COG5: variants seen among roughly 807,000 people sequenced by gnomAD.
COG5 encodes the protein conserved oligomeric Golgi complex subunit 5.
In COG5, 86 loss-of-function variants were observed where a neutral mutation model predicts 110.4. The observed-to-expected ratio is 0.78, with a 90% confidence interval of 0.65 to 0.93. The LOEUF (loss-of-function observed/expected upper bound fraction) is 0.93. COG5 is among the 40% of genes least tolerant of loss of function. COG5 has a pLI of 0.00. For missense variants in COG5, 1,077 were observed against 987.0 expected, an observed-to-expected ratio of 1.09 and a Z score of -1.22; for synonymous variants, 360 against 334.6, an observed-to-expected ratio of 1.08 and a Z score of -0.83.
At chr7:107,277,716 TG>T (rs368944416) in intron 14 of COG5, among the ~76,000 whole-genome samples, 1 of 152,320 alleles carries the variant, frequency 6.6e-6, no homozygotes, top group African/African-American at 2.4e-5. Context: ...AGGTTAATGA[TG>T]GTAGTTATTT....
chr7:107,447,855 T>C (rs1483451207), intron 6 of COG5, among the ~76,000 whole-genome samples: 2 of 152,192 alleles, frequency 1.3e-5, no homozygotes, highest in African/African-American at 4.8e-5. Context: ...TTCCACAAAT[T>C]AATTTTATTC....
chr7:107,288,001 CAT>C (rs902573135), intron 12 of COG5, among the ~76,000 whole-genome samples: 1 of 152,246 alleles, frequency 6.6e-6, no homozygotes, highest in East Asian at 1.9e-4. Context: ...TCTACGTGAA[CAT>C]ATGTTTTTAT....
intron 6 of COG5, among the ~76,000 whole-genome samples, chr7:107,492,239 T>C (rs750066585): frequency 1.6e-4 from 24 of 151,454 alleles, no homozygotes; most frequent in Non-Finnish European, 3.2e-4. Context: ...CTAATGTCTT[T>C]CTAGAGAAGA....
intron 19 of COG5, among the ~76,000 whole-genome samples, chr7:107,227,017 T>C (rs531987489): frequency 1.4e-4 from 22 of 152,256 alleles, no homozygotes; most frequent in Admixed American, 4.6e-4. Context: ...ACCTCAGAGA[T>C]ACCAGAATCC....
At chr7:107,404,684 G>C (rs1791680967) in intron 7 of COG5, among the ~76,000 whole-genome samples, 1 of 152,056 alleles carries the variant, frequency 6.6e-6, no homozygotes, top group East Asian at 1.9e-4. Context: ...GAAGGAGACA[G>C]TATAAGGGAA....
intron 19 of COG5, among the ~76,000 whole-genome samples, chr7:107,216,859 T>A (rs1160639544): frequency 6.6e-6 from 1 of 152,090 alleles, no homozygotes; most frequent in Non-Finnish European, 1.5e-5. Flanking sequence ...AAGCCCAAAG[T>A]TAGCAGAAGG....
chr7:107,299,851 A>ATC (rs1361501587), intron 11 of COG5, among the ~76,000 whole-genome samples: 1 of 134,138 alleles, frequency 7.5e-6, no homozygotes, highest in East Asian at 2.0e-4. Flanking sequence ...ATATATATAT[A>ATC]TATATATCTG....
At chr7:107,555,598 T>G (rs1803250254) in intron 2 of COG5, among the ~76,000 whole-genome samples, 1 of 152,212 alleles carries the variant, frequency 6.6e-6, no homozygotes. Flanking sequence ...TTTTAAAAAT[T>G]ATCTATTCTC....
At chr7:107,440,840 G>T (rs954381353) in intron 6 of COG5, among the ~76,000 whole-genome samples, 2 of 152,088 alleles carry the variant, frequency 1.3e-5, no homozygotes, top group African/African-American at 4.8e-5. Flanking sequence ...CCCATACTAT[G>T]CTCTATATAT....
intron 6 of COG5, among the ~76,000 whole-genome samples, chr7:107,457,639 C>T (rs1795747616): frequency 6.6e-6 from 1 of 152,006 alleles, no homozygotes; most frequent in African/African-American, 2.4e-5. Context: ...CCATGTTAGC[C>T]AGGATGGTCT....
At chr7:107,214,468 T>A (rs1310621245) in intron 19 of COG5, among the ~76,000 whole-genome samples, 1 of 151,810 alleles carries the variant, frequency 6.6e-6, no homozygotes, top group African/African-American at 2.4e-5. Flanking sequence ...CTAAATGGAG[T>A]TCTCTAAGCT....
intron 16 of COG5, 72 bp from the exon 17 acceptor site, chr7:107,248,571 G>A: frequency 1.0e-6 from 1 of 990,264 alleles, no homozygotes; most frequent in African/African-American, 1.6e-5. Context: ...AATTTGAGAT[G>A]TGAGAAACAC....
At position 107,332,132 on chromosome 7, in the gene COG5, G is replaced by A. The variant is rs1389252089; in HGVS notation, c.1027-7611C>T. Among the ~76,000 whole-genome samples, 4 of 152,258 alleles carry A rather than the reference G, an allele frequency of 2.6e-5. No homozygotes were observed. The East Asian group carries it at 7.7e-4, about 29-fold the overall frequency. The stretch of plus-strand genomic sequence containing the variant: ...GAAAGTACTGGGATTACAGGCATGA[G>A]CCACCACACCTGGCCACTGACTGCT... On this transcript the variant is annotated intron_variant, in intron 10 of 21. Transcript: ENST00000297135.
chr7:107,532,191 G>C (rs1235445243), intron 5 of COG5, among the ~76,000 whole-genome samples: 1 of 152,066 alleles, frequency 6.6e-6, no homozygotes, highest in Non-Finnish European at 1.5e-5. Flanking sequence ...TGAGTAGCTG[G>C]GATTACATGT....
At chr7:107,547,509 TG>T (rs1418532504) in intron 5 of COG5, among the ~76,000 whole-genome samples, 1 of 152,148 alleles carries the variant, frequency 6.6e-6, no homozygotes, top group Non-Finnish European at 1.5e-5. Context: ...ACATAGCCAC[TG>T]GAAGTCCTGG....
intron 8 of COG5, among the ~76,000 whole-genome samples, chr7:107,364,135 T>C (rs190842973): frequency 1.3e-5 from 2 of 152,352 alleles, no homozygotes; most frequent in East Asian, 3.9e-4. Context: ...TGAAATAATT[T>C]TGTTTTCCTG....
At chr7:107,310,934 A>G (rs1808178392) in intron 11 of COG5, among the ~76,000 whole-genome samples, 1 of 152,204 alleles carries the variant, frequency 6.6e-6, no homozygotes, top group Non-Finnish European at 1.5e-5. Flanking sequence ...TAAAAAAAAA[A>G]AATCCATTCC....
At chr7:107,479,139 GT>G (rs1797164763) in intron 6 of COG5, among the ~76,000 whole-genome samples, 1 of 152,000 alleles carries the variant, frequency 6.6e-6, no homozygotes, top group Non-Finnish European at 1.5e-5. Context: ...GAAGAATAAA[GT>G]TCTTAATAGA....
At chr7:107,310,330 TAAACTTTATA>T (rs1808112485) in intron 11 of COG5, among the ~76,000 whole-genome samples, 1 of 152,198 alleles carries the variant, frequency 6.6e-6, no homozygotes, top group South Asian at 2.1e-4. Context: ...AAAAAGCTCA[TAAACTTTATA>T]AAGATGTTTC....
Sources: allele counts gnomAD v4.1 joint callset (sites outside exome capture counted in the v4.1 genomes callset), GRCh38; gene constraint gnomAD v4.1.1; transcripts MANE v1.5; gene names NCBI Gene and HGNC (gene_info 2026-07-23, HGNC 2026-07-21).